The following NXPE2 variants were observed in gnomAD, a reference collection of about 807,000 sequenced individuals.
NXPE2 encodes the protein NXPE family member 2.
A neutral mutation model predicts 34.4 loss-of-function variants in NXPE2; 34 were observed. The observed-to-expected ratio is 0.99, with a 90% CI of 0.75 to 1.31. The LOEUF is 1.31. NXPE2 is among the 40% of genes most tolerant of loss of function. The pLI is 0.00. For missense variants in NXPE2, 649 were observed against 672.5 expected (o/e 0.97, Z 0.39); for synonymous variants, 235 against 231.3 (o/e 1.02, Z -0.15).
At chr11:114,651,365 C>T in the NXPE2 span, among the ~76,000 whole-genome samples, 1 of 151,844 alleles carries the variant, frequency 6.6e-6, no homozygotes, top group African/African-American at 2.4e-5. Context: ...TTTGTTCCTC[C>T]TGGTGGGTTC....
At chr11:114,674,436 T>C (rs1282620889), upstream of NXPE2, among the ~76,000 whole-genome samples, 1 of 151,736 alleles carries the variant, frequency 6.6e-6, no homozygotes, top group Non-Finnish European at 1.5e-5. Context: ...GAGAATCCTA[T>C]TGTATGTGGT....
chr11:114,566,773 C>T, the NXPE2 span, among the ~76,000 whole-genome samples: 4 of 152,038 alleles, frequency 2.6e-5, no homozygotes, highest in African/African-American at 9.7e-5. Context: ...ATTCTATATA[C>T]CCACATATAT....
chr11:114,765,152 G>A, the NXPE2 span, among the ~76,000 whole-genome samples: 1 of 151,932 alleles, frequency 6.6e-6, no homozygotes, highest in Non-Finnish European at 1.5e-5. Flanking sequence ...CTGTTTCCTG[G>A]TGAACTCTTT....
chr11:114,504,957 T>C, the NXPE2 span, among the ~76,000 whole-genome samples: 1 of 152,150 alleles, frequency 6.6e-6, no homozygotes, highest in African/African-American at 2.4e-5. Context: ...AGGAGTATGT[T>C]GTAACCCAAT....
At position 114,706,464 on chromosome 11, in the gene NXPE2, A is replaced by G; in HGVS notation, c.1214A>G (p.His405Arg). The change falls in exon 6 of 6, where the codon CAT becomes CGT. Residue 405 changes from histidine to arginine, a missense_variant. His to Arg is a conservative substitution (Grantham distance 29). Transcript: ENST00000389586. ...KTHVLLDVERHILIQWKKHGH... is the reference protein window; with the variant it reads ...KTHVLLDVERRILIQWKKHGH... ...CATGTTCTTCTGGATGTTGAAAGAC[A>G]TATTTTGATTCAGTGGAAAAAACAT... 6.4e-7 allele frequency: 1 copy of G among 1,551,748 alleles called. No homozygotes were observed. Among genetic ancestry groups the G allele is most frequent in the Non-Finnish European group, 8.7e-7 (1 of 1,146,902 alleles).
chr11:114,763,203 T>A, the NXPE2 span, among the ~76,000 whole-genome samples: 1 of 152,162 alleles, frequency 6.6e-6, no homozygotes, highest in Non-Finnish European at 1.5e-5. Context: ...TAGAAAGACT[T>A]CTACTATTTG....
the NXPE2 span, among the ~76,000 whole-genome samples, chr11:114,783,570 C>G: frequency 1.3e-5 from 2 of 152,136 alleles, no homozygotes; most frequent in East Asian, 3.9e-4. Flanking sequence ...AAGTTGGTTA[C>G]TTTGTGTGCT....
At chr11:114,669,485 A>G in the NXPE2 span, among the ~76,000 whole-genome samples, 154 of 152,174 alleles carry the variant, frequency 1.0e-3, 1 homozygote, top group Admixed American at 8.3e-3. Flanking sequence ...CAGAGGTTCT[A>G]TTCTACCCAA....
the NXPE2 span, among the ~76,000 whole-genome samples, chr11:114,789,434 C>T: frequency 3.1e-3 from 466 of 152,248 alleles, 1 homozygote; most frequent in African/African-American, 0.011. Flanking sequence ...TATGCTTCAA[C>T]CCACTCTCTA....
At chr11:114,603,478 G>A in the NXPE2 span, among the ~76,000 whole-genome samples, 4 of 149,830 alleles carry the variant, frequency 2.7e-5, no homozygotes, top group Admixed American at 6.7e-5. Flanking sequence ...GTATTGCCTC[G>A]TCTCCTAGGT....
At chr11:114,756,023 T>G in the NXPE2 span, among the ~76,000 whole-genome samples, 1 of 152,238 alleles carries the variant, frequency 6.6e-6, no homozygotes, top group South Asian at 2.1e-4. Flanking sequence ...TCCATCACAT[T>G]CTGGATTCCA....
the NXPE2 span, among the ~76,000 whole-genome samples, chr11:114,650,078 A>G: frequency 6.6e-6 from 1 of 152,232 alleles, no homozygotes; most frequent in Non-Finnish European, 1.5e-5. Context: ...CAATGAGAAA[A>G]AAAATCCAGG....
At chr11:114,632,546 G>GTA in the NXPE2 span, among the ~76,000 whole-genome samples, 3 of 110,912 alleles carry the variant, frequency 2.7e-5, no homozygotes, top group African/African-American at 1.1e-4. Context: ...TATTATATAT[G>GTA]TATATATTTG....
At chr11:114,798,047 A>C in the NXPE2 span, among the ~76,000 whole-genome samples, 1 of 152,200 alleles carries the variant, frequency 6.6e-6, no homozygotes, top group Non-Finnish European at 1.5e-5. Context: ...TTGTGCCCAG[A>C]TCCTTCTATT....
chr11:114,651,228 G>T, the NXPE2 span, among the ~76,000 whole-genome samples: 1 of 152,170 alleles, frequency 6.6e-6, no homozygotes, highest in South Asian at 2.1e-4. Context: ...TGTGTCTGGG[G>T]TTTCTTCCTT....
the NXPE2 span, among the ~76,000 whole-genome samples, chr11:114,771,402 G>C: frequency 6.7e-6 from 1 of 150,108 alleles, no homozygotes; most frequent in Non-Finnish European, 1.5e-5. Flanking sequence ...CTTGTCAAGG[G>C]GGACAGGTTG....
chr11:114,663,626 T>TATCTATCTATC, the NXPE2 span, among the ~76,000 whole-genome samples: 1 of 55,560 alleles, frequency 1.8e-5, no homozygotes, highest in African/African-American at 5.3e-5. Context: ...TCTATCTATC[T>TATCTATCTATC]ATCTATCTAT....
chr11:114,485,010 G>A, the NXPE2 span, among the ~76,000 whole-genome samples: 10 of 152,004 alleles, frequency 6.6e-5, no homozygotes, highest in African/African-American at 1.9e-4. Flanking sequence ...TCCCAGAGAG[G>A]GTTGTTTTGA....
chr11:114,544,413 T>A, the NXPE2 span, among the ~76,000 whole-genome samples: 1 of 152,216 alleles, frequency 6.6e-6, no homozygotes, highest in African/African-American at 2.4e-5. Flanking sequence ...AGAAAGCCAA[T>A]AAACAAATGC....
Sources: allele counts gnomAD v4.1 joint callset (sites outside exome capture counted in the v4.1 genomes callset), GRCh38; gene constraint gnomAD v4.1.1; transcripts MANE v1.5; gene names NCBI Gene and HGNC (gene_info 2026-07-23, HGNC 2026-07-21).